The following CMIP variants were observed in gnomAD, a reference collection of about 807,000 sequenced individuals.
CMIP encodes the protein C-Maf-inducing protein.
In CMIP, 13 loss-of-function variants were observed where a neutral mutation model predicts 97.3. The ratio of observed to expected loss-of-function variants is 0.13; its 90% CI spans 0.09 to 0.21. The LOEUF (loss-of-function observed/expected upper bound fraction) is 0.21, where lower values mean the gene tolerates loss of function less well. Ranked by LOEUF, CMIP falls within the 10% of genes least tolerant of loss-of-function variation. The pLI, the probability that CMIP is intolerant of heterozygous loss-of-function variation, is 1.00. For missense variants in CMIP, 847 were observed against 1,024.9 expected, an observed-to-expected ratio of 0.83 and a Z score of 2.37; for synonymous variants, 538 against 436.3, an observed-to-expected ratio of 1.23 and a Z score of -2.91.
chr16:81,508,710 T>A (rs1161596136), intron 1 of CMIP, among the ~76,000 whole-genome samples: 1 of 152,198 alleles, frequency 6.6e-6, no homozygotes, highest in South Asian at 2.1e-4. Context: ...TCTCCATCAG[T>A]CTGAGAGGGT....
At chr16:81,630,744 C>G (rs2092145340) in intron 3 of CMIP, 1 of 152,172 alleles carries the variant, frequency 6.6e-6, no homozygotes, top group Non-Finnish European at 1.5e-5. Flanking sequence ...GAATTCTATC[C>G]AGATTAATTT....
intron 13 of CMIP, 130 bp downstream of exon 13, chr16:81,693,617 T>G: frequency 1.0e-6 from 1 of 971,486 alleles, no homozygotes. Flanking sequence ...CCATTGCCTG[T>G]GTATAAACAC....
chr16:81,623,280 G>C lies in CMIP; in HGVS notation c.477+2354G>C, dbSNP rs1047606508. ...GCAAGTCCAGAACTGGGATCACTGT[G>C]TTTCTAGCAGCTCTCATGAAGACCT... On this transcript the variant is annotated intron_variant, in intron 3 of 20. Transcript: ENST00000537098. Among the ~76,000 whole-genome samples the C allele has an allele frequency of 2.0e-5, 3 of 152,222 alleles. No individual in the cohort carries two copies. The South Asian group carries it at 6.2e-4, about 32-fold the overall frequency.
In CMIP at chr16:81,570,436, A is replaced by G. The variant is rs551817388; in HGVS notation, c.301-37131A>G. 2.0e-5 allele frequency among the ~76,000 whole-genome samples: 3 copies of G among 152,228 alleles called. No homozygotes were observed. The South Asian group carries it at 6.2e-4, about 32-fold the overall frequency. ...CTCAGTGGACTGCCTTGGGCAAACCACTGCTCCGTTCTGAGCCTCGGTGTA... is the reference window on the plus strand; with the variant it reads ...CTCAGTGGACTGCCTTGGGCAAACCGCTGCTCCGTTCTGAGCCTCGGTGTA... On this transcript the variant is annotated intron_variant, in intron 1 of 20. Coordinates refer to ENST00000537098, the MANE Select transcript of CMIP (RefSeq NM_198390.3).
chr16:81,505,693 G>A (rs1418749309), intron 1 of CMIP, among the ~76,000 whole-genome samples: 1 of 152,206 alleles, frequency 6.6e-6, no homozygotes, highest in Non-Finnish European at 1.5e-5. Flanking sequence ...AGAGTGGCTG[G>A]TTTAAATCAG....
intron 1 of CMIP, among the ~76,000 whole-genome samples, chr16:81,531,586 C>G (rs952748328): frequency 6.6e-6 from 1 of 152,264 alleles, no homozygotes; most frequent in Non-Finnish European, 1.5e-5. Context: ...CTTGAGGCAT[C>G]TCTGTGACGT....
chr16:81,584,289 G>C (rs1270813726), intron 1 of CMIP, among the ~76,000 whole-genome samples: 1 of 152,194 alleles, frequency 6.6e-6, no homozygotes, highest in Admixed American at 6.5e-5. Context: ...GTTGAACAAT[G>C]TGTCCGTAAC....
At chr16:81,447,156 C>A (rs552653118) in intron 1 of CMIP, among the ~76,000 whole-genome samples, 1 of 151,832 alleles carries the variant, frequency 6.6e-6, no homozygotes, top group Non-Finnish European at 1.5e-5. Flanking sequence ...AACTGGTGAC[C>A]GCGGTGCCCC....
chr16:81,541,985 G>T (rs890978865), intron 1 of CMIP, among the ~76,000 whole-genome samples: 4 of 152,152 alleles, frequency 2.6e-5, no homozygotes, highest in Non-Finnish European at 4.4e-5. Context: ...CTCAGTCACT[G>T]GTTCTAATAA....
intron 1 of CMIP, among the ~76,000 whole-genome samples, chr16:81,560,963 C>T (rs2090870606): frequency 1.3e-5 from 2 of 152,142 alleles, no homozygotes; most frequent in East Asian, 1.9e-4. Context: ...AGATGCATGA[C>T]TTTTTTTTCT....
intron 1 of CMIP, among the ~76,000 whole-genome samples, chr16:81,558,833 C>T (rs924032054): frequency 1.3e-5 from 2 of 152,210 alleles, no homozygotes; most frequent in African/African-American, 4.8e-5. Context: ...GCACAGTAGG[C>T]CCACTGTTCC....
chr16:81,521,800 G>C (rs1420604352), intron 1 of CMIP, among the ~76,000 whole-genome samples: 2 of 152,138 alleles, frequency 1.3e-5, no homozygotes, highest in African/African-American at 4.8e-5. Flanking sequence ...TCAAACATAA[G>C]ATACTTTTCT....
chr16:81,454,717 G>A lies in CMIP; in HGVS notation c.300+9176G>A, dbSNP rs569065653. ...CCCAAGGGACTCATAGTTAAATGGG[G>A]GTATTACAATTATGATACACCATTG... is the stretch of plus-strand genomic sequence containing the variant. On this transcript the variant is annotated intron_variant, in intron 1 of 20. Transcript: ENST00000537098. Among the ~76,000 whole-genome samples, 13 of 152,280 alleles carry A rather than the reference G, an allele frequency of 8.5e-5. No individual in the cohort carries two copies. In the East Asian group the frequency reaches 2.3e-3, roughly 27 times the overall value.
chr16:81,445,929 G>A (rs1436960826), intron 1 of CMIP, among the ~76,000 whole-genome samples: 6 of 151,268 alleles, frequency 4.0e-5, no homozygotes, highest in Non-Finnish European at 5.9e-5. Flanking sequence ...TCTGAGGGGT[G>A]GGGGAGGGGA....
chr16:81,477,349 CAG>C (rs1361090120), intron 1 of CMIP, among the ~76,000 whole-genome samples: 3 of 152,160 alleles, frequency 2.0e-5, no homozygotes, highest in Non-Finnish European at 4.4e-5. Context: ...TTAGTAGAGA[CAG>C]GGTTTCACCA....
chr16:81,572,393 G>A (rs1051068809), intron 1 of CMIP, among the ~76,000 whole-genome samples: 1 of 152,222 alleles, frequency 6.6e-6, no homozygotes, highest in African/African-American at 2.4e-5. Context: ...GGGTAGGGTG[G>A]GGGCGTGCGA....
rs74031203 is a variant in CMIP at position 81,579,237 on chromosome 16, C to G, written c.301-28330C>G. Among the ~76,000 whole-genome samples the G allele has an allele frequency of 8.3e-3, 1,259 of 152,260 alleles. 17 individuals are homozygous for G. The highest frequency in any genetic ancestry group is 0.029 in the African/African-American group (1,212 of 41,540). On this transcript the variant is annotated intron_variant, in intron 1 of 20. Transcript: ENST00000537098. ...GGAAGATGAAGGTGAAGGGTGGTGG[C>G]GGTCCTTGCAAGACAGAGGCCAGCA...
chr16:81,640,966 G>A (rs2092299945), intron 3 of CMIP, among the ~76,000 whole-genome samples: 1 of 152,238 alleles, frequency 6.6e-6, no homozygotes, highest in African/African-American at 2.4e-5. Context: ...AACACCAGCT[G>A]TGTGACCTGG....
chr16:81,652,432 C>A lies in CMIP; in HGVS notation c.639+68C>A. The A allele has an allele frequency of 7.2e-7, 1 of 1,396,846 alleles. No individual in the cohort carries two copies. The highest frequency in any genetic ancestry group is 9.9e-7 in the Non-Finnish European group (1 of 1,005,714). 86.5% of individuals were successfully genotyped at this position (1,396,846 alleles called of 1,614,324 possible). A position where few individuals can be genotyped will look rare whatever the true frequency, so the allele number is the denominator to read the frequency against. Reference sequence around the variant, plus strand: ...CCTCCACCGATCACCGGCTCCATGCCAAGCAGCAGGCGCAGGCAGAGCTCC... The same window carrying A: ...CCTCCACCGATCACCGGCTCCATGCAAAGCAGCAGGCGCAGGCAGAGCTCC... On this transcript the variant is annotated intron_variant, in intron 4 of 20. Transcript: ENST00000537098. The surrounding 1 kb of genome is among the most constrained non-coding windows in gnomAD (Gnocchi z 5.2).
Sources: gnomAD v4.1 joint callset for allele counts (sites outside exome capture counted in the v4.1 genomes callset) on GRCh38, gnomAD v4.1.1 for gene constraint, Gnocchi (gnomAD v3.1) non-coding constraint, MANE v1.5 for transcripts, NCBI Gene and HGNC (gene_info 2026-07-23, HGNC 2026-07-21) for gene names.